Variants in ZNF638 observed in about 807,000 individuals in gnomAD.
The protein encoded by ZNF638 is zinc finger protein 638, also known as CTCL tumor antigen se33-1.
A neutral mutation model predicts 195.6 loss-of-function variants in ZNF638; 46 were observed. The ratio of observed to expected loss-of-function variants is 0.24; its 90% CI spans 0.19 to 0.30. The LOEUF (loss-of-function observed/expected upper bound fraction) is 0.30, where lower values mean the gene tolerates loss of function less well. Ranked by LOEUF, ZNF638 falls within the 10% of genes least tolerant of loss-of-function variation. ZNF638 has a pLI of 1.00. For missense variants in ZNF638, 2,440 were observed against 2,325.3 expected (o/e 1.05, Z -1.01); for synonymous variants, 845 against 772.0 (o/e 1.09, Z -1.57).
rs566880011 is a variant in ZNF638 at position 71,430,020 on chromosome 2, A to G, written c.5651-1307A>G. ...TCTGTATGGTAGGGCAACCTTGGCA[A>G]TCAGCTTGCTTAGAACTGCCTCATT... is the stretch of plus-strand genomic sequence containing the variant. On this transcript the variant is annotated intron_variant, in intron 25 of 27. Coordinates refer to ENST00000264447, the MANE Select transcript of ZNF638 (RefSeq NM_014497.5). Among the ~76,000 whole-genome samples the G allele has an allele frequency of 1.1e-4, 16 of 152,336 alleles. No individual in the cohort carries two copies. The South Asian group carries it at 3.1e-3, about 30-fold the overall frequency.
chr2:71,364,852 C>G (rs1456479465), intron 5 of ZNF638, among the ~76,000 whole-genome samples: 1 of 152,158 alleles, frequency 6.6e-6, no homozygotes, highest in Non-Finnish European at 1.5e-5. Flanking sequence ...TCCTCAAGAT[C>G]TTTTAAGAGT....
chr2:71,380,275 C>A lies in ZNF638; in HGVS notation c.2319C>A (p.Thr773=). ...AGTCAAAGAAAGTATCTGCATCTACCTTAAAGTAAGTGACTTTATGATTTC... is the reference window on the plus strand; with the variant it reads ...AGTCAAAGAAAGTATCTGCATCTACATTAAAGTAAGTGACTTTATGATTTC... ...TLESKKVSAS[T]LKRDADASKA... The change falls in exon 9 of 28, where the codon ACC becomes ACA. Residue 773 remains threonine (T), a synonymous_variant. Transcript: ENST00000264447. 6.4e-7 allele frequency: 1 copy of A among 1,562,130 alleles called. No homozygotes were observed. Among genetic ancestry groups the A allele is most frequent in the African/African-American group, 1.4e-5 (1 of 72,368 alleles).
At chr2:71,353,544 G>T (rs2078976042) in intron 2 of ZNF638, among the ~76,000 whole-genome samples, 2 of 152,162 alleles carry the variant, frequency 1.3e-5, no homozygotes, top group African/African-American at 4.8e-5. Flanking sequence ...CTAGAAGTTG[G>T]GGTGGGATGG....
At chr2:71,375,266 T>A (rs1558852256) in intron 8 of ZNF638, 1 of 152,210 alleles carries the variant, frequency 6.6e-6, no homozygotes, top group Non-Finnish European at 1.5e-5. Flanking sequence ...AAAACCTCAC[T>A]AGTGGATTGT....
intron 8 of ZNF638, among the ~76,000 whole-genome samples, chr2:71,378,268 A>G (rs1195256601): frequency 1.3e-5 from 2 of 152,234 alleles, no homozygotes; most frequent in South Asian, 2.1e-4. Flanking sequence ...AAATGTTTCA[A>G]CTTATACATC....
At chr2:71,352,283 C>T (rs2078953215) in intron 2 of ZNF638, among the ~76,000 whole-genome samples, 1 of 151,734 alleles carries the variant, frequency 6.6e-6, no homozygotes, top group African/African-American at 2.4e-5. Context: ...TTCAAGACCA[C>T]CCTTACTGAC....
intron 20 of ZNF638, among the ~76,000 whole-genome samples, chr2:71,409,337 T>C (rs943962922): frequency 3.3e-5 from 5 of 152,202 alleles, no homozygotes; most frequent in Non-Finnish European, 5.9e-5. Context: ...TTACTGTTTT[T>C]GTTAGACTGA....
chr2:71,336,479 A>C (rs939234005), intron 1 of ZNF638, among the ~76,000 whole-genome samples: 5 of 152,206 alleles, frequency 3.3e-5, no homozygotes, highest in African/African-American at 1.2e-4. Flanking sequence ...GGATGTAAGC[A>C]ATTAACTCCT....
chr2:71,396,110 T>C (rs1377142116), intron 10 of ZNF638, 31 bp from the exon 11 acceptor site: 2 of 1,596,942 alleles, frequency 1.3e-6, no homozygotes, highest in African/African-American at 2.7e-5. Flanking sequence ...ATTTGTAATG[T>C]AGTACTTAAA....
intron 1 of ZNF638, among the ~76,000 whole-genome samples, chr2:71,344,878 A>G (rs2078824850): frequency 6.6e-6 from 1 of 152,222 alleles, no homozygotes; most frequent in Admixed American, 6.5e-5. Context: ...TTTTATTTGG[A>G]GTGGATATGA....
At chr2:71,417,792 T>C (rs1056204347) in intron 20 of ZNF638, among the ~76,000 whole-genome samples, 24 of 152,276 alleles carry the variant, frequency 1.6e-4, no homozygotes, top group Admixed American at 3.9e-4. Context: ...GCTAGACTTA[T>C]CACCAGATAT....
At chr2:71,427,861 T>G (rs2080570925) in intron 24 of ZNF638, among the ~76,000 whole-genome samples, 1 of 152,174 alleles carries the variant, frequency 6.6e-6, no homozygotes, top group Admixed American at 6.5e-5. Context: ...GGCAGCTCAC[T>G]TTCCGAACTT....
chr2:71,339,639 C>T (rs1215589478), intron 1 of ZNF638, among the ~76,000 whole-genome samples: 1 of 152,212 alleles, frequency 6.6e-6, no homozygotes, highest in Non-Finnish European at 1.5e-5. Flanking sequence ...CTTGGTCTTG[C>T]TTACCTCTGT....
chr2:71,380,141 G>T, intron 8 of ZNF638, 81 bp from the exon 9 acceptor site: 2 of 744,384 alleles, frequency 2.7e-6, no homozygotes, highest in East Asian at 6.3e-5. Flanking sequence ...TTTAGAATAG[G>T]AAGATTTTAG....
intron 3 of ZNF638, among the ~76,000 whole-genome samples, chr2:71,357,818 G>A (rs752815979): frequency 4.6e-5 from 7 of 152,008 alleles, no homozygotes; most frequent in African/African-American, 7.2e-5. Flanking sequence ...AAATACAAGC[G>A]TACCTCCTTT....
rs559970941 is a variant in ZNF638, at chr2:71,331,967, C to CT, written c.-203+93dup. 65 of 977,254 alleles carry CT rather than the reference C, an allele frequency of 6.7e-5. No individual in the cohort carries two copies. The East Asian group carries it at 5.8e-3, about 88-fold the overall frequency. 60.5% of individuals were successfully genotyped at this position (977,254 alleles called of 1,614,324 possible). On this transcript the variant is annotated intron_variant, in intron 1 of 27. Transcript: ENST00000264447. ...GCCCTTCCTGTGAGATCCGGGCCGA[C>CT]TATTGTATCTGTGTCGCAGCGGCTC...
chr2:71,349,343 A>G lies in ZNF638; in HGVS notation c.389A>G (p.Lys130Arg), dbSNP rs2078904672. The stretch of plus-strand genomic sequence containing the variant: ...ACACAGGTTACAGAGCAGAGTCCCA[A>G]AGTACAGAGCCGCTATACAAAAGAG... Reference protein sequence around the residue: ...SVTQVTEQSPKVQSRYTKESA... With the variant: ...SVTQVTEQSPRVQSRYTKESA... Residue 130 changes from lysine (K) to arginine (R), a missense_variant, in exon 2 of 28, where the codon AAA becomes AGA. Physicochemically the swap from Lys to Arg is conservative, Grantham distance 26. Coordinates refer to ENST00000264447, the MANE Select transcript of ZNF638 (RefSeq NM_014497.5). 5 of 1,614,180 alleles carry G rather than the reference A, an allele frequency of 3.1e-6. No homozygotes were observed. Among genetic ancestry groups the G allele is most frequent in the Non-Finnish European group, 4.2e-6 (5 of 1,180,020 alleles).
At chr2:71,350,944 T>C (rs1443119634) in intron 2 of ZNF638, among the ~76,000 whole-genome samples, 2 of 152,156 alleles carry the variant, frequency 1.3e-5, no homozygotes, top group East Asian at 3.9e-4. Context: ...ATAGTATAGT[T>C]AGAAGGAAGT....
intron 3 of ZNF638, among the ~76,000 whole-genome samples, chr2:71,356,111 T>A (rs752882933): frequency 6.6e-6 from 1 of 152,196 alleles, no homozygotes; most frequent in East Asian, 1.9e-4. Context: ...CCTCTTCCCA[T>A]AGGACAAGTA....
Sources: gnomAD v4.1 joint callset for allele counts (sites outside exome capture counted in the v4.1 genomes callset) on GRCh38, gnomAD v4.1.1 for gene constraint, MANE v1.5 for transcripts, NCBI Gene and HGNC (gene_info 2026-07-23, HGNC 2026-07-21) for gene names.